Variants in OGDH observed in about 807,000 individuals in gnomAD.
The protein encoded by OGDH is 2-oxoglutarate dehydrogenase complex component E1.
In OGDH, 38 loss-of-function variants were observed where a neutral mutation model predicts 116.6. That is an observed-to-expected ratio of 0.33 (90% CI 0.25 to 0.43). The LOEUF is 0.43. Ranked by LOEUF, OGDH falls within the 20% of genes least tolerant of loss-of-function variation. The pLI is 1.00. For synonymous variants in OGDH, 488 were observed against 533.3 expected, an observed-to-expected ratio of 0.92 and a Z score of 1.17; for missense variants, 825 against 1,357.2, an observed-to-expected ratio of 0.61 and a Z score of 6.16.
intron 7 of OGDH, 78 bp from the exon 8 acceptor site, chr7:44,675,100 G>A: frequency 1.8e-6 from 2 of 1,114,406 alleles, no homozygotes; most frequent in Non-Finnish European, 2.7e-6. Flanking sequence ...GGGGGAGGGG[G>A]GGATTGTAAC....
chr7:44,648,357 G>A (rs1018434502), intron 4 of OGDH, among the ~76,000 whole-genome samples: 12 of 152,216 alleles, frequency 7.9e-5, no homozygotes, highest in Admixed American at 7.9e-4. Flanking sequence ...CTGGGGTTTT[G>A]TCACGGTTGC....
At position 44,656,464 on chromosome 7, in the gene OGDH, C is replaced by T. The variant is rs549508846; in HGVS notation, c.517+8705C>T. The T allele has an allele frequency of 1.5e-4, 150 of 1,010,610 alleles. 4 individuals carry two copies. The South Asian group carries it at 1.9e-3, about 13-fold the overall frequency. The allele number at this position is 1,010,610 out of a possible 1,614,324, so 62.6% of individuals were successfully genotyped here. A position where few individuals can be genotyped will look rare whatever the true frequency, so the allele number is the denominator to read the frequency against. On this transcript the variant is annotated intron_variant, in intron 4 of 22. Coordinates refer to ENST00000222673, the MANE Select transcript of OGDH (RefSeq NM_002541.4). ...TGCAATATGGGGAAAGTTGACGCAACTTCTGTCACGTGTTTTTAAGTTTGT... is the reference window on the plus strand; with the variant it reads ...TGCAATATGGGGAAAGTTGACGCAATTTCTGTCACGTGTTTTTAAGTTTGT...
intron 2 of OGDH, among the ~76,000 whole-genome samples, chr7:44,640,308 G>GT (rs1331742934): frequency 6.6e-6 from 1 of 151,976 alleles, no homozygotes; most frequent in East Asian, 1.9e-4. Context: ...ACTGCTGTGT[G>GT]TAAATTCTGC....
chr7:44,693,735 G>A, intron 10 of OGDH, 90 bp from the exon 11 acceptor site: 2 of 1,209,150 alleles, frequency 1.7e-6, no homozygotes, highest in Non-Finnish European at 2.3e-6. Flanking sequence ...CAGATGGCAA[G>A]TGCATGCCAT....
rs533975997 is a variant in OGDH, at chr7:44,694,895, C to T, written c.1668+319C>T. 1.3e-5 allele frequency among the ~76,000 whole-genome samples: 2 copies of T among 152,178 alleles called. No homozygotes were observed. Among genetic ancestry groups the T allele is most frequent in the South Asian group, 4.1e-4 (2 of 4,822 alleles). On this transcript the variant is annotated intron_variant, in intron 12 of 22. Coordinates refer to ENST00000222673, the MANE Select transcript of OGDH (RefSeq NM_002541.4). The surrounding 1 kb of genome is among the most constrained non-coding windows in gnomAD (Gnocchi z 4.2). ...GTTGAGAGGTGGGTGGTGGATCCAG[C>T]TTGGTAAGGGGCCTGTTGTAATCTG... is the stretch of plus-strand genomic sequence containing the variant.
At chr7:44,650,054 TGAGA>T (rs1257998597) in intron 4 of OGDH, among the ~76,000 whole-genome samples, 8 of 151,200 alleles carry the variant, frequency 5.3e-5, no homozygotes, top group Admixed American at 4.0e-4. Flanking sequence ...TTGGAACCAC[TGAGA>T]GAGAGAGTCA....
chr7:44,610,593 C>G (rs1784524961), intron 1 of OGDH, among the ~76,000 whole-genome samples: 2 of 151,754 alleles, frequency 1.3e-5, no homozygotes, highest in Admixed American at 6.6e-5. Context: ...TGAGCCACTG[C>G]TCCTAGCCCT....
chr7:44,610,127 C>T (rs894548424), intron 1 of OGDH, among the ~76,000 whole-genome samples: 2 of 151,956 alleles, frequency 1.3e-5, no homozygotes, highest in African/African-American at 4.8e-5. Context: ...TGTATACTCT[C>T]GGGTGAAATG....
At chr7:44,673,991 G>A in intron 6 of OGDH, 50 bp downstream of exon 6, 3 of 1,609,672 alleles carry the variant, frequency 1.9e-6, no homozygotes, top group Non-Finnish European at 2.5e-6. Flanking sequence ...GGGAAGCAGT[G>A]ACCCTGTCTG....
At chr7:44,658,020 C>T (rs576977375) in intron 4 of OGDH, among the ~76,000 whole-genome samples, 104 of 152,296 alleles carry the variant, frequency 6.8e-4, no homozygotes, top group African/African-American at 2.5e-3. Context: ...ATCGATACCA[C>T]AGTGTCTTGA....
Position 44,652,269 on chromosome 7 carries a change from C to A in OGDH, c.517+4510C>A, listed in dbSNP as rs532524571. 4.6e-5 allele frequency among the ~76,000 whole-genome samples: 7 copies of A among 152,068 alleles called. No homozygotes were observed. The East Asian group carries it at 1.4e-3, about 30-fold the overall frequency. ...GATTACAGGCACCCACCACCATGCCCAGCTAATTTTTTGTATTTTTAGTAG... is the reference window on the plus strand; with the variant it reads ...GATTACAGGCACCCACCACCATGCCAAGCTAATTTTTTGTATTTTTAGTAG... On this transcript the variant is annotated intron_variant, in intron 4 of 22. Coordinates refer to ENST00000222673, the MANE Select transcript of OGDH (RefSeq NM_002541.4).
intron 8 of OGDH, among the ~76,000 whole-genome samples, chr7:44,675,493 C>G (rs1441909567): frequency 6.6e-6 from 1 of 152,190 alleles, no homozygotes; most frequent in Non-Finnish European, 1.5e-5. Context: ...TGTGTCCCCT[C>G]TGGCTGAGGG....
chr7:44,635,945 C>T (rs905863146), intron 2 of OGDH, among the ~76,000 whole-genome samples: 9 of 152,166 alleles, frequency 5.9e-5, no homozygotes, highest in Non-Finnish European at 1.0e-4. Context: ...CCTCATGATC[C>T]GCCCGCCTCA....
intron 1 of OGDH, among the ~76,000 whole-genome samples, chr7:44,606,873 C>T (rs56270255): frequency 0.31 from 47,279 of 151,972 alleles, 8,685 homozygotes; most frequent in Non-Finnish European, 0.41. Flanking sequence ...GCCGCGGGGC[C>T]TGCCCGGCGG....
intron 20 of OGDH, among the ~76,000 whole-genome samples, chr7:44,706,206 G>C (rs1314638042): frequency 2.0e-5 from 3 of 152,012 alleles, no homozygotes; most frequent in Admixed American, 2.0e-4. Flanking sequence ...GCCTCCCAAA[G>C]TGCTGGCCAA....
At chr7:44,649,909 GCAA>G (rs1328496332) in intron 4 of OGDH, among the ~76,000 whole-genome samples, 8 of 152,208 alleles carry the variant, frequency 5.3e-5, no homozygotes, top group South Asian at 2.1e-4. Context: ...TCCAGATTCA[GCAA>G]CAACATCATG....
At chr7:44,684,528 G>A (rs1788055036) in intron 10 of OGDH, among the ~76,000 whole-genome samples, 1 of 152,124 alleles carries the variant, frequency 6.6e-6, no homozygotes, top group East Asian at 1.9e-4. Context: ...TGCCTACTGT[G>A]TCCCAGATGC....
intron 4 of OGDH, among the ~76,000 whole-genome samples, chr7:44,653,940 T>A (rs975922806): frequency 1.3e-5 from 2 of 152,196 alleles, no homozygotes; most frequent in Non-Finnish European, 2.9e-5. Context: ...CTGCAACCTC[T>A]GCCTCCCAGG....
rs1300252297 is a variant in OGDH, at chr7:44,694,531, T to G, written c.1623T>G (p.Ala541=). 1.9e-6 allele frequency: 3 copies of G among 1,614,024 alleles called. No individual in the cohort carries two copies. The highest frequency in any genetic ancestry group is 2.5e-6 in the Non-Finnish European group (3 of 1,179,974). ...RKQKPVLQKY[A]ELLVSQGVVN... ...AGAAGCCTGTGTTACAGAAGTACGC[T>G]GAGCTGCTGGTGTCGCAGGGTGTGG... Residue 541 remains alanine, a synonymous_variant, in exon 12 of 23, where the codon GCT becomes GCG. Transcript: ENST00000222673. This position sits in a 1 kb window ranked among gnomAD's most constrained non-coding sequence, Gnocchi z 4.2.
Sources: allele counts gnomAD v4.1 joint callset (sites outside exome capture counted in the v4.1 genomes callset), GRCh38; gene constraint gnomAD v4.1.1; non-coding constraint Gnocchi (gnomAD v3.1); transcripts MANE v1.5; gene names NCBI Gene and HGNC (gene_info 2026-07-23, HGNC 2026-07-21).